Variants in VWA8 observed in about 807,000 individuals in gnomAD.
VWA8 encodes von Willebrand factor A domain containing 8.
VWA8 carries 221 observed loss-of-function variants against 241.5 expected under a neutral mutation model. The ratio of observed to expected loss-of-function variants is 0.91; its 90% CI spans 0.82 to 1.02. The LOEUF (loss-of-function observed/expected upper bound fraction) is 1.02, where lower values mean the gene tolerates loss of function less well. Ranked by LOEUF, VWA8 falls within the 50% of genes least tolerant of loss-of-function variation. VWA8 has a pLI of 0.00. For synonymous variants in VWA8, 852 were observed against 827.1 expected (o/e 1.03, Z -0.52); for missense variants, 2,322 against 2,328.7 (o/e 1.00, Z 0.06).
intron 37 of VWA8, among the ~76,000 whole-genome samples, chr13:41,654,056 T>C (rs906307648): frequency 2.0e-5 from 3 of 152,060 alleles, no homozygotes; most frequent in African/African-American, 7.2e-5. Context: ...AATTGACTCA[T>C]AAAAACAAAC....
chr13:41,647,781 G>C (rs544461719), intron 37 of VWA8, among the ~76,000 whole-genome samples: 1 of 152,160 alleles, frequency 6.6e-6, no homozygotes, highest in African/African-American at 2.4e-5. Context: ...CTTGAGGTCA[G>C]GAGTTTGAGA....
At chr13:41,767,762 A>G (rs946595176) in intron 20 of VWA8, among the ~76,000 whole-genome samples, 1 of 152,182 alleles carries the variant, frequency 6.6e-6, no homozygotes, top group Admixed American at 6.5e-5. Context: ...GAAAATAATA[A>G]TATCTACCTC....
chr13:41,710,644 G>C (rs1449639146), intron 26 of VWA8, among the ~76,000 whole-genome samples: 2 of 152,056 alleles, frequency 1.3e-5, no homozygotes, highest in Non-Finnish European at 2.9e-5. Flanking sequence ...GTACACCTTA[G>C]AACTCCACGA....
chr13:41,918,719 T>C (rs2138122566), intron 2 of VWA8, among the ~76,000 whole-genome samples: 1 of 152,220 alleles, frequency 6.6e-6, no homozygotes, highest in Non-Finnish European at 1.5e-5. Context: ...GGTCTGTACA[T>C]ACAAAAGTAT....
intron 21 of VWA8, among the ~76,000 whole-genome samples, chr13:41,760,490 A>G (rs1367797398): frequency 6.6e-6 from 1 of 151,794 alleles, no homozygotes; most frequent in Non-Finnish European, 1.5e-5. Context: ...AATCTAAGTT[A>G]GCTTTAAGTT....
chr13:41,928,519 A>C (rs1423117473), intron 2 of VWA8, among the ~76,000 whole-genome samples: 2 of 152,214 alleles, frequency 1.3e-5, no homozygotes, highest in Non-Finnish European at 2.9e-5. Context: ...AGAAGAAACC[A>C]AAAGGGAAAT....
chr13:41,805,742 A>G (rs1870162264), intron 17 of VWA8, among the ~76,000 whole-genome samples: 1 of 152,138 alleles, frequency 6.6e-6, no homozygotes, highest in Non-Finnish European at 1.5e-5. Context: ...TGAACCTGGG[A>G]GGCGGAGGTT....
At chr13:41,780,140 C>G (rs1593767249) in intron 19 of VWA8, among the ~76,000 whole-genome samples, 1 of 152,100 alleles carries the variant, frequency 6.6e-6, no homozygotes, top group East Asian at 1.9e-4. Context: ...ACTATCTGTA[C>G]CCAGGCACCC....
At chr13:41,945,907 C>T (rs979069900) in intron 2 of VWA8, among the ~76,000 whole-genome samples, 2 of 151,800 alleles carry the variant, frequency 1.3e-5, no homozygotes, top group Admixed American at 6.6e-5. Flanking sequence ...TTTCCACATC[C>T]CATCCAAGAA....
intron 20 of VWA8, among the ~76,000 whole-genome samples, chr13:41,773,279 G>A (rs1295232615): frequency 6.6e-6 from 1 of 152,140 alleles, no homozygotes; most frequent in Non-Finnish European, 1.5e-5. Flanking sequence ...TGCCTGTCTT[G>A]ATCTTCTTTG....
Position 41,780,020 on chromosome 13 carries a change from T to C in VWA8, c.2278-1964A>G, listed in dbSNP as rs551463231. Among the ~76,000 whole-genome samples, 93 of 152,268 alleles carry C rather than the reference T, an allele frequency of 6.1e-4. 3 individuals are homozygous for C. The South Asian group carries it at 0.018, about 30-fold the overall frequency. Reference sequence around the variant, plus strand: ...CCATTTCCCCTGATTCCTTCCTACCTCCCTAACAATTTCTCCCATAGTTTT... The same window carrying C: ...CCATTTCCCCTGATTCCTTCCTACCCCCCTAACAATTTCTCCCATAGTTTT... On this transcript the variant is annotated intron_variant, in intron 19 of 44. Transcript: ENST00000379310.
At chr13:41,646,038 C>T (rs1000893378) in intron 37 of VWA8, among the ~76,000 whole-genome samples, 1 of 150,280 alleles carries the variant, frequency 6.7e-6, no homozygotes, top group Non-Finnish European at 1.5e-5. Flanking sequence ...ACAATCTAGG[C>T]TTACCACAAC....
intron 5 of VWA8, 125 bp from the exon 6 acceptor site, chr13:41,887,486 C>T (rs7334298): frequency 0.25 from 258,848 of 1,052,782 alleles, 32,437 homozygotes; most frequent in East Asian, 0.29. Context: ...ACTCTCAAAT[C>T]CATACTGTCA....
At chr13:41,568,337 A>C (rs763720431) in intron 44 of VWA8, 32 bp from the exon 45 acceptor site, 2 of 1,584,484 alleles carry the variant, frequency 1.3e-6, no homozygotes, top group Non-Finnish European at 1.7e-6. Flanking sequence ...GGAAGTTACC[A>C]CTGTAAATGG....
chr13:41,662,617 TCTTC>T (rs2044958136), intron 37 of VWA8, among the ~76,000 whole-genome samples: 1 of 151,712 alleles, frequency 6.6e-6, no homozygotes, highest in Admixed American at 6.6e-5. Flanking sequence ...CAGTTTTATT[TCTTC>T]CTTCCTAATC....
intron 12 of VWA8, chr13:41,865,187 T>A (rs992225167): frequency 1.5e-5 from 3 of 204,730 alleles, no homozygotes; most frequent in Non-Finnish European, 3.1e-5. Context: ...CACTTTGTAA[T>A]TGACACATAA....
At chr13:41,581,634 T>C (rs2044384112) in intron 42 of VWA8, among the ~76,000 whole-genome samples, 1 of 152,048 alleles carries the variant, frequency 6.6e-6, no homozygotes, top group South Asian at 2.1e-4. Flanking sequence ...GTTACACTGT[T>C]AGAAAACCAC....
chr13:41,637,205 C>T (rs962653845), intron 37 of VWA8, among the ~76,000 whole-genome samples: 1 of 151,392 alleles, frequency 6.6e-6, no homozygotes, highest in African/African-American at 2.4e-5. Flanking sequence ...AAATGTGGCA[C>T]ATATATACCA....
intron 2 of VWA8, chr13:41,926,198 G>A (rs1228655059): frequency 8.8e-6 from 6 of 679,232 alleles, no homozygotes; most frequent in Non-Finnish European, 1.3e-5. Flanking sequence ...TTCCTTATGA[G>A]ATCACACTGC....
Sources: allele counts gnomAD v4.1 joint callset (sites outside exome capture counted in the v4.1 genomes callset), GRCh38; gene constraint gnomAD v4.1.1; transcripts MANE v1.5; gene names NCBI Gene and HGNC (gene_info 2026-07-23, HGNC 2026-07-21).